The following LARGE1 variants were observed in gnomAD, a reference collection of about 807,000 sequenced individuals.
The protein encoded by LARGE1 is xylosyl- and glucuronyltransferase LARGE1.
A neutral mutation model predicts 87.6 loss-of-function variants in LARGE1; 43 were observed. The ratio of observed to expected loss-of-function variants is 0.49; its 90% CI spans 0.38 to 0.63. LARGE1 has a LOEUF of 0.63. Ranked by LOEUF, LARGE1 falls within the 30% of genes least tolerant of loss-of-function variation. LARGE1 has a pLI of 0.00. For synonymous variants in LARGE1, 434 were observed against 394.6 expected, an observed-to-expected ratio of 1.10 and a Z score of -1.18; for missense variants, 802 against 1,000.2, an observed-to-expected ratio of 0.80 and a Z score of 2.67.
intron 6 of LARGE1, among the ~76,000 whole-genome samples, chr22:33,456,303 T>A (rs2068128308): frequency 6.6e-6 from 1 of 152,184 alleles, no homozygotes; most frequent in Non-Finnish European, 1.5e-5. Flanking sequence ...ACCAACCCCA[T>A]CTATACCGAG....
rs1491259421 is a variant in LARGE1, at chr22:33,785,021, A to ATATGTG, written c.-82-23469_-82-23464dup. Among the ~76,000 whole-genome samples the ATATGTG allele has an allele frequency of 4.0e-5, 6 of 150,082 alleles. No individual in the cohort carries two copies. In the East Asian group the frequency reaches 5.9e-4, roughly 15 times the overall value. ...TATATACATATATGTGTATACATAC[A>ATATGTG]TATGTGTATATACATATATGTGTAT... On this transcript the variant is annotated intron_variant, in intron 1 of 14. Transcript: ENST00000397394.
chr22:33,888,447 A>G (rs2064917149), intron 1 of LARGE1, among the ~76,000 whole-genome samples: 1 of 152,108 alleles, frequency 6.6e-6, no homozygotes, highest in Admixed American at 6.5e-5. Flanking sequence ...AATGATGTGC[A>G]CGTGGTGGAC....
At chr22:33,810,545 G>A (rs962463498) in intron 1 of LARGE1, among the ~76,000 whole-genome samples, 1 of 152,088 alleles carries the variant, frequency 6.6e-6, no homozygotes, top group South Asian at 2.1e-4. Flanking sequence ...AATGAAATAC[G>A]AATGCATGCA....
rs149624045 is a variant in LARGE1 at position 33,525,135 on chromosome 22, C to T, written c.787+39713G>A. On this transcript the variant is annotated intron_variant, in intron 6 of 14. Transcript: ENST00000397394. ...CTCAAGTCAAGTGATAATTAGGGCA[C>T]GGAGGAAGGAGGAAGAGAATGAAAC... Among the ~76,000 whole-genome samples the T allele has an allele frequency of 5.4e-3, 818 of 152,186 alleles. 4 individuals carry two copies. Among genetic ancestry groups the T allele is most frequent in the African/African-American group, 0.018 (767 of 41,518 alleles).
chr22:33,737,129 T>G (rs1257482011), intron 2 of LARGE1, among the ~76,000 whole-genome samples: 1 of 152,216 alleles, frequency 6.6e-6, no homozygotes, highest in Non-Finnish European at 1.5e-5. Context: ...CAGCCTGAAA[T>G]GACCCTGCGT....
chr22:33,194,958 A>T (rs1923988649), intron 11 of LARGE1, among the ~76,000 whole-genome samples: 1 of 152,190 alleles, frequency 6.6e-6, no homozygotes, highest in Non-Finnish European at 1.5e-5. Context: ...CGATATTTTA[A>T]CTACCCTGTC....
At chr22:33,153,361 C>T in the LARGE1 span, among the ~76,000 whole-genome samples, 4 of 152,240 alleles carry the variant, frequency 2.6e-5, no homozygotes, top group African/African-American at 7.2e-5. Context: ...TTATCAATAA[C>T]TTTTTCCTGT....
chr22:33,786,408 T>C (rs2085642141), intron 1 of LARGE1, among the ~76,000 whole-genome samples: 1 of 152,192 alleles, frequency 6.6e-6, no homozygotes, highest in Non-Finnish European at 1.5e-5. Context: ...TTAATTAGAT[T>C]TGGTCCCTGG....
the LARGE1 span, among the ~76,000 whole-genome samples, chr22:33,143,251 A>G: frequency 5.3e-5 from 8 of 152,190 alleles, no homozygotes; most frequent in South Asian, 2.1e-4. Flanking sequence ...GTTGGTGAAC[A>G]TAAGTGTTTC....
chr22:33,072,528 T>C, the LARGE1 span, among the ~76,000 whole-genome samples: 2 of 152,146 alleles, frequency 1.3e-5, no homozygotes, highest in African/African-American at 4.8e-5. Flanking sequence ...TGGAAAAACT[T>C]CACCAGAATC....
intron 4 of LARGE1, among the ~76,000 whole-genome samples, chr22:33,624,201 G>C (rs240593): frequency 0.7 from 106,273 of 151,974 alleles, 37,180 homozygotes; most frequent in Admixed American, 0.77. Flanking sequence ...AGACTGACTT[G>C]TCAAATAAGT....
At chr22:33,211,853 G>C (rs77999603) in intron 11 of LARGE1, among the ~76,000 whole-genome samples, 4,589 of 152,280 alleles carry the variant, frequency 0.03, 95 homozygotes, top group Admixed American at 0.056. Flanking sequence ...TATTGAGAAA[G>C]TCTGAGTGAT....
rs537020317 is a variant in LARGE1 at position 33,385,242 on chromosome 22, C to A, written c.893-938G>T. Among the ~76,000 whole-genome samples, 20 of 148,122 alleles carry A rather than the reference C, an allele frequency of 1.4e-4. 5 individuals carry two copies. The highest frequency in any genetic ancestry group is 4.0e-4 in the Admixed American group (6 of 14,904). On this transcript the variant is annotated intron_variant, in intron 7 of 14. Transcript: ENST00000397394. ...CTATATCCTTTTGTGTTTTTTAAAA[C>A]GCTAAAACAACAGCCGGGTGTGGTG...
At chr22:33,119,721 C>A in the LARGE1 span, among the ~76,000 whole-genome samples, 1 of 152,180 alleles carries the variant, frequency 6.6e-6, no homozygotes, top group Non-Finnish European at 1.5e-5. Context: ...GGCAACCACC[C>A]TGAGGGGTCT....
chr22:33,417,863 C>G (rs2066555801), intron 7 of LARGE1, among the ~76,000 whole-genome samples: 1 of 152,242 alleles, frequency 6.6e-6, no homozygotes, highest in African/African-American at 2.4e-5. Context: ...TTCAAACCAG[C>G]AATGGCAGGT....
intron 7 of LARGE1, among the ~76,000 whole-genome samples, chr22:33,390,186 T>A (rs1569120448): frequency 1.3e-5 from 2 of 152,130 alleles, no homozygotes; most frequent in South Asian, 2.1e-4. Context: ...AATATACCAC[T>A]CTCTGTACCC....
intron 1 of LARGE1, among the ~76,000 whole-genome samples, chr22:33,814,362 A>C (rs1043484087): frequency 6.6e-6 from 1 of 152,218 alleles, no homozygotes; most frequent in Admixed American, 6.5e-5. Context: ...CTGACATATC[A>C]GTAACAATAA....
intron 5 of LARGE1, among the ~76,000 whole-genome samples, chr22:33,598,296 T>C (rs1264095725): frequency 1.3e-5 from 2 of 152,166 alleles, no homozygotes; most frequent in Admixed American, 6.5e-5. Flanking sequence ...ATGGGAATAA[T>C]AACAGGACCT....
chr22:33,644,413 A>C (rs2080542487), intron 3 of LARGE1, among the ~76,000 whole-genome samples: 1 of 152,220 alleles, frequency 6.6e-6, no homozygotes, highest in Admixed American at 6.5e-5. Context: ...AACAAATCTC[A>C]AAATAACAAG....
Sources: gnomAD v4.1 joint callset for allele counts (sites outside exome capture counted in the v4.1 genomes callset) on GRCh38, gnomAD v4.1.1 for gene constraint, MANE v1.5 for transcripts, NCBI Gene and HGNC (gene_info 2026-07-23, HGNC 2026-07-21) for gene names.